DNAJB1: variants seen among roughly 807,000 people sequenced by gnomAD.
DNAJB1 encodes DnaJ heat shock protein family (Hsp40) member B1.
A neutral mutation model predicts 24.0 loss-of-function variants in DNAJB1; 14 were observed. That is an observed-to-expected ratio of 0.58 (90% CI 0.39 to 0.91). DNAJB1 has a LOEUF of 0.91. Ranked by LOEUF, DNAJB1 falls within the 40% of genes least tolerant of loss-of-function variation. The probability of loss-of-function intolerance (pLI) is 0.00; values close to 1 mark genes in which losing one functional copy is unlikely to be tolerated. For synonymous variants in DNAJB1, 262 were observed against 174.4 expected (o/e 1.50, Z -3.96); for missense variants, 517 against 458.1 (o/e 1.13, Z -1.17).
At chr19:14,539,902 C>T (rs571628612) in intron 1 of DNAJB1, among the ~76,000 whole-genome samples, 9 of 149,552 alleles carry the variant, frequency 6.0e-5, no homozygotes, top group Non-Finnish European at 8.9e-5. Flanking sequence ...TTTTCTGAGA[C>T]GGAGTCCTGC....
upstream of DNAJB1, chr19:14,518,400 C>A: frequency 2.0e-6 from 3 of 1,505,610 alleles, no homozygotes; most frequent in Non-Finnish European, 2.6e-6. Context: ...CCGGCTCCGC[C>A]GCCGACCAGT....
intron 1 of DNAJB1, among the ~76,000 whole-genome samples, chr19:14,548,837 A>G (rs1290778991): frequency 6.6e-6 from 1 of 152,072 alleles, no homozygotes; most frequent in Non-Finnish European, 1.5e-5. Context: ...GGCCTCCCAA[A>G]GTGCTGTGAT....
At chr19:14,552,450 C>T (rs185329010), upstream of DNAJB1, among the ~76,000 whole-genome samples, 1 of 152,178 alleles carries the variant, frequency 6.6e-6, no homozygotes, top group South Asian at 2.1e-4. Flanking sequence ...CACTTCCAGG[C>T]TACTTACCTT....
chr19:14,531,933 C>T (rs919505188), upstream of DNAJB1: 2 of 150,126 alleles, frequency 1.3e-5, no homozygotes, highest in African/African-American at 2.5e-5. Flanking sequence ...GGCTTGAGCC[C>T]AGGAGGTTGA....
At chr19:14,555,536 C>T in intron 1 of DNAJB1, among the ~76,000 whole-genome samples, 1 of 149,222 alleles carries the variant, frequency 6.7e-6, no homozygotes, top group Non-Finnish European at 1.5e-5. Context: ...ACCTCCATCT[C>T]CTGGGTTTAA....
chr19:14,546,273 T>A (rs1431156679), intron 1 of DNAJB1, among the ~76,000 whole-genome samples: 1 of 150,162 alleles, frequency 6.7e-6, no homozygotes, highest in African/African-American at 2.4e-5. Context: ...GATTTGGGAT[T>A]TTTTTTTTTG....
At chr19:14,538,886 G>C (rs1410434081) in intron 1 of DNAJB1, among the ~76,000 whole-genome samples, 1 of 151,884 alleles carries the variant, frequency 6.6e-6, no homozygotes, top group Non-Finnish European at 1.5e-5. Flanking sequence ...GAGACAGACT[G>C]ATGTCAAATC....
chr19:14,545,643 C>T lies in DNAJB1; in HGVS notation c.-214+4565G>A, dbSNP rs533860803. 1.3e-3 allele frequency: 256 copies of T among 191,874 alleles called. 8 individuals are homozygous for T. The South Asian group carries it at 0.019, about 14-fold the overall frequency. The allele number at this position is 191,874 out of a possible 1,614,324, so 11.9% of individuals were successfully genotyped here. ...CAGCAGCTGGCACAGGCAGGCCCGA[C>T]GCAGCAAGGGGCACAGTCCGTGTTG... On this transcript the variant is annotated intron_variant, in intron 1 of 3. Transcript: ENST00000676982.
At chr19:14,544,744 T>A (rs1876835751) in intron 1 of DNAJB1, among the ~76,000 whole-genome samples, 3 of 151,782 alleles carry the variant, frequency 2.0e-5, no homozygotes, top group Admixed American at 6.6e-5. Context: ...GGGATTCTTG[T>A]GCCCCGGCCT....
At chr19:14,535,578 ATATATATATATGTATG>A (rs1354468129) in intron 1 of DNAJB1, among the ~76,000 whole-genome samples, 10 of 39,984 alleles carry the variant, frequency 2.5e-4, no homozygotes, top group African/African-American at 7.0e-4. Flanking sequence ...ATATATATAT[ATATATATATATGTATG>A]TATATATAAA....
In DNAJB1 at chr19:14,516,764, G is replaced by A. The variant is rs553112983; in HGVS notation, c.494C>T (p.Thr165Ile). The A allele has an allele frequency of 1.2e-6, 2 of 1,614,024 alleles. No homozygotes were observed. Among genetic ancestry groups the A allele is most frequent in the South Asian group, 1.1e-5 (1 of 91,080 alleles). Residue 165 changes from threonine (T) to isoleucine (I), a missense_variant, in exon 2 of 3, where the codon ACC (threonine) becomes ATC (isoleucine). Thr to Ile is a moderately conservative substitution (Grantham distance 89). Coordinates refer to ENST00000254322, the MANE Select transcript of DNAJB1 (RefSeq NM_006145.3). The stretch of plus-strand genomic sequence containing the variant: ...TTCAAGGGAGACTCGAAGGTCGTGG[G>A]TGACTGGGGGATCTTGCTTCTTTCG... The part of the protein sequence containing the change: ...PARKKQDPPV[T>I]HDLRVSLEEI...
chr19:14,550,098 G>T (rs923477438), intron 1 of DNAJB1, among the ~76,000 whole-genome samples: 1 of 151,960 alleles, frequency 6.6e-6, no homozygotes, highest in African/African-American at 2.4e-5. Flanking sequence ...TTGCCAAGAT[G>T]TGAGTTCCAT....
intron 1 of DNAJB1, chr19:14,517,435 GAA>G: frequency 6.4e-6 from 1 of 156,294 alleles, no homozygotes; most frequent in Non-Finnish European, 1.3e-5. Context: ...AGGAAGAGAA[GAA>G]AAAAAAAAAC....
chr19:14,553,708 GC>G (rs1360920492), upstream of DNAJB1, among the ~76,000 whole-genome samples: 1 of 151,946 alleles, frequency 6.6e-6, no homozygotes, highest in African/African-American at 2.4e-5. Context: ...TGTGATGGGG[GC>G]GAGGTGATGG....
chr19:14,541,000 ATTT>A (rs2073078730), intron 1 of DNAJB1, among the ~76,000 whole-genome samples: 1 of 151,752 alleles, frequency 6.6e-6, no homozygotes. Context: ...TAATTTTGGT[ATTT>A]TTAGTAGAGA....
chr19:14,554,366 C>T (rs922560536), upstream of DNAJB1, among the ~76,000 whole-genome samples: 4 of 152,188 alleles, frequency 2.6e-5, no homozygotes, highest in Non-Finnish European at 4.4e-5. Flanking sequence ...GAGATGAGGC[C>T]GGCCCAGAAT....
chr19:14,554,397 C>T (rs1475047444), upstream of DNAJB1, among the ~76,000 whole-genome samples: 1 of 152,182 alleles, frequency 6.6e-6, no homozygotes, highest in Non-Finnish European at 1.5e-5. Context: ...CGCTCTGGCC[C>T]GGGTCTGCCC....
At chr19:14,553,156 A>G (rs887542749), upstream of DNAJB1, among the ~76,000 whole-genome samples, 4 of 152,066 alleles carry the variant, frequency 2.6e-5, no homozygotes, top group African/African-American at 9.7e-5. Context: ...CGTGCGTCCG[A>G]TGACCATCTT....
At chr19:14,552,726 C>T (rs760725082), upstream of DNAJB1, among the ~76,000 whole-genome samples, 35 of 151,942 alleles carry the variant, frequency 2.3e-4, no homozygotes, top group East Asian at 9.7e-4. Context: ...TTAGTAGAGA[C>T]GGGGTTTCAC....
Sources: gnomAD v4.1 joint callset for allele counts (sites outside exome capture counted in the v4.1 genomes callset) on GRCh38, gnomAD v4.1.1 for gene constraint, MANE v1.5 for transcripts, NCBI Gene and HGNC (gene_info 2026-07-23, HGNC 2026-07-21) for gene names.